MEGF10: variants seen among roughly 807,000 people sequenced by gnomAD.
The protein encoded by MEGF10 is multiple EGF like domains 10.
A neutral mutation model predicts 147.5 loss-of-function variants in MEGF10; 86 were observed. The observed-to-expected ratio is 0.58, with a 90% CI of 0.49 to 0.70. The LOEUF (loss-of-function observed/expected upper bound fraction) is 0.70. Among genes scored for constraint, MEGF10 ranks in the 30% least tolerant of loss-of-function variants. The pLI is 0.00. For synonymous variants in MEGF10, 478 were observed against 525.5 expected (o/e 0.91, Z 1.24); for missense variants, 1,329 against 1,487.3 (o/e 0.89, Z 1.75).
intron 1 of MEGF10, among the ~76,000 whole-genome samples, chr5:127,297,053 G>A (rs1580674851): frequency 6.6e-6 from 1 of 152,068 alleles, no homozygotes; most frequent in Non-Finnish European, 1.5e-5. Flanking sequence ...TGCAACCTCC[G>A]CCTCTGGGGT....
At chr5:127,279,425 T>C in the MEGF10 span, among the ~76,000 whole-genome samples, 379 of 151,756 alleles carry the variant, frequency 2.5e-3, 3 homozygotes, top group Middle Eastern at 0.021. Context: ...AGAAAGGAGA[T>C]CCTGGAACTG....
chr5:127,400,951 A>G (rs1329444242), intron 7 of MEGF10, among the ~76,000 whole-genome samples: 1 of 152,240 alleles, frequency 6.6e-6, no homozygotes, highest in Non-Finnish European at 1.5e-5. Flanking sequence ...GTGCTTTTCA[A>G]AGATGAATAT....
intron 22 of MEGF10, among the ~76,000 whole-genome samples, chr5:127,450,019 G>A (rs1766094126): frequency 6.6e-6 from 1 of 151,852 alleles, no homozygotes; most frequent in Non-Finnish European, 1.5e-5. Context: ...TTCAAAATTA[G>A]CGAGAAGAGC....
intron 22 of MEGF10, 121 bp from the exon 23 acceptor site, chr5:127,454,445 A>G: frequency 1.3e-6 from 1 of 761,612 alleles, no homozygotes; most frequent in East Asian, 2.7e-5. Context: ...TAAAGGCTTG[A>G]AGAGCAGCAG....
At chr5:127,363,170 C>G (rs1484804138) in intron 4 of MEGF10, among the ~76,000 whole-genome samples, 1 of 152,180 alleles carries the variant, frequency 6.6e-6, no homozygotes. Flanking sequence ...ATAGATGGGT[C>G]TTCCATTTTT....
intron 9 of MEGF10, among the ~76,000 whole-genome samples, chr5:127,412,147 A>G (rs1226957185): frequency 6.6e-6 from 1 of 152,246 alleles, no homozygotes; most frequent in Non-Finnish European, 1.5e-5. Context: ...AGTACATGAC[A>G]TTTTTTGACA....
intron 4 of MEGF10, among the ~76,000 whole-genome samples, chr5:127,368,357 G>A (rs17165031): frequency 0.032 from 4,904 of 152,176 alleles, 268 homozygotes; most frequent in African/African-American, 0.11. Flanking sequence ...TCACTAAATC[G>A]CCTAGGTGCT....
intron 1 of MEGF10, among the ~76,000 whole-genome samples, chr5:127,319,023 ACCTC>A (rs953783985): frequency 2.5e-4 from 34 of 137,870 alleles, no homozygotes; most frequent in African/African-American, 4.1e-4. Context: ...CTCTTTCATT[ACCTC>A]CCTCCCTCCC....
chr5:127,281,131 A>G, the MEGF10 span, among the ~76,000 whole-genome samples: 8 of 152,308 alleles, frequency 5.3e-5, no homozygotes, highest in African/African-American at 1.9e-4. Flanking sequence ...TTCCCAGACC[A>G]GTTCCGAGGA....
chr5:127,380,657 A>G (rs1390193222), intron 5 of MEGF10, among the ~76,000 whole-genome samples: 1 of 151,938 alleles, frequency 6.6e-6, no homozygotes, highest in Non-Finnish European at 1.5e-5. Flanking sequence ...AGCTGGGATT[A>G]CAGGTGCCTG....
the MEGF10 span, among the ~76,000 whole-genome samples, chr5:127,264,987 A>G: frequency 6.6e-6 from 1 of 152,030 alleles, no homozygotes; most frequent in Non-Finnish European, 1.5e-5. Context: ...TTACATATGT[A>G]TACATGTGCC....
intron 9 of MEGF10, among the ~76,000 whole-genome samples, chr5:127,410,967 A>G (rs1220504770): frequency 6.6e-6 from 1 of 152,240 alleles, no homozygotes; most frequent in Non-Finnish European, 1.5e-5. Flanking sequence ...CAAATTTAGT[A>G]TGCAAAAATA....
At position 127,328,908 on chromosome 5, in the gene MEGF10, T is replaced by G. The variant is rs78016484; in HGVS notation, c.-18-2383T>G. Among the ~76,000 whole-genome samples, 1,261 of 152,274 alleles carry G rather than the reference T, an allele frequency of 8.3e-3. 19 individuals are homozygous for G. The highest frequency in any genetic ancestry group is 0.029 in the African/African-American group (1,203 of 41,566). On this transcript the variant is annotated intron_variant, in intron 1 of 24. Transcript: ENST00000503335. ...TTGTTACAGCCAAATATATTAAAGA[T>G]TTTTTTGATGGATGAGGAAAACACT...
intron 1 of MEGF10, among the ~76,000 whole-genome samples, chr5:127,315,881 A>G (rs907810842): frequency 5.3e-5 from 8 of 152,336 alleles, no homozygotes; most frequent in Admixed American, 4.6e-4. Context: ...AAAGTGTGCT[A>G]ATCTAACACT....
At chr5:127,229,829 T>C in the MEGF10 span, 1 of 152,140 alleles carries the variant, frequency 6.6e-6, no homozygotes, top group Non-Finnish European at 1.5e-5. Context: ...CGCACCCCCC[T>C]CTGGGGGCCG....
intron 4 of MEGF10, among the ~76,000 whole-genome samples, chr5:127,355,849 AT>A (rs368752936): frequency 0.037 from 5,485 of 147,730 alleles, 254 homozygotes; most frequent in Middle Eastern, 0.11. Flanking sequence ...TCTGCTGCCT[AT>A]TTTTTTTTTT....
chr5:127,378,908 C>G (rs1342465775), intron 5 of MEGF10, among the ~76,000 whole-genome samples: 3 of 151,634 alleles, frequency 2.0e-5, no homozygotes, highest in African/African-American at 7.3e-5. Flanking sequence ...GATGTCCTTA[C>G]CAGATGAAAT....
chr5:127,435,244 A>G, intron 15 of MEGF10, 117 bp from the exon 16 acceptor site: 2 of 1,201,942 alleles, frequency 1.7e-6, no homozygotes, highest in Non-Finnish European at 1.2e-6. Context: ...TTGAGCAGAG[A>G]TAGCTACCAA....
intron 1 of MEGF10, among the ~76,000 whole-genome samples, chr5:127,327,197 T>C (rs975315689): frequency 6.6e-6 from 1 of 152,234 alleles, no homozygotes; most frequent in African/African-American, 2.4e-5. Context: ...TAATCAGTTG[T>C]ACTGATTTTG....
Sources: gnomAD v4.1 joint callset for allele counts (sites outside exome capture counted in the v4.1 genomes callset) on GRCh38, gnomAD v4.1.1 for gene constraint, MANE v1.5 for transcripts, NCBI Gene and HGNC (gene_info 2026-07-23, HGNC 2026-07-21) for gene names.